Variants in NXPE4 observed in about 807,000 individuals in gnomAD.
The protein encoded by NXPE4 is neurexophilin and PC-esterase domain family member 4.
In NXPE4, 42 loss-of-function variants were observed where a neutral mutation model predicts 33.3. That is an observed-to-expected ratio of 1.26 (90% CI 0.98 to 1.63). The LOEUF (loss-of-function observed/expected upper bound fraction) is 1.63, where lower values mean the gene tolerates loss of function less well. Among genes scored for constraint, NXPE4 ranks in the 40% most tolerant of loss-of-function variants. NXPE4 has a pLI of 0.00. For synonymous variants in NXPE4, 253 were observed against 234.9 expected, an observed-to-expected ratio of 1.08 and a Z score of -0.71; for missense variants, 709 against 647.6, an observed-to-expected ratio of 1.09 and a Z score of -1.03.
Position 114,571,001 on chromosome 11 carries a change from A to G in NXPE4, c.1572T>C (p.Asn524=), listed in dbSNP as rs763146490. The change falls in exon 6 of 6, where the codon AAT becomes AAC. Residue 524 remains asparagine, a synonymous_variant. Coordinates refer to ENST00000375478, the MANE Select transcript of NXPE4 (RefSeq NM_001077639.2). ...WDITIAYGTN[N]VHPPQHVVGN... ...CGACTACATGTTGAGGTGGGTGTAC[A>G]TTATTTGTGCCATATGCAATTGTTA... 3.3e-5 allele frequency: 54 copies of G among 1,613,132 alleles called. No individual in the cohort carries two copies. The highest frequency in any genetic ancestry group is 4.6e-5 in the Non-Finnish European group (54 of 1,179,346).
the NXPE4 span, among the ~76,000 whole-genome samples, chr11:114,633,138 ATTATT>A: frequency 8.1e-6 from 1 of 123,212 alleles, no homozygotes; most frequent in Non-Finnish European, 1.6e-5. Context: ...TATTTCATAT[ATTATT>A]TTATATATTT....
At chr11:114,638,625 T>A in the NXPE4 span, among the ~76,000 whole-genome samples, 1 of 152,064 alleles carries the variant, frequency 6.6e-6, no homozygotes, top group Non-Finnish European at 1.5e-5. Context: ...ATGATGGTGA[T>A]GTACAGATAG....
the NXPE4 span, among the ~76,000 whole-genome samples, chr11:114,655,260 C>T: frequency 0.02 from 3,028 of 152,196 alleles, 40 homozygotes; most frequent in Non-Finnish European, 0.033. Flanking sequence ...AAAATTTTCT[C>T]CCATTCTGTA....
chr11:114,667,157 T>G, the NXPE4 span, among the ~76,000 whole-genome samples: 1 of 152,160 alleles, frequency 6.6e-6, no homozygotes, highest in Non-Finnish European at 1.5e-5. Flanking sequence ...TACGTGAAGA[T>G]CCAGGTCCTG....
chr11:114,627,677 T>A, the NXPE4 span, among the ~76,000 whole-genome samples: 18 of 151,896 alleles, frequency 1.2e-4, no homozygotes, highest in Admixed American at 1.2e-3. Context: ...CAATATTAAC[T>A]TTAAATGTAA....
chr11:114,613,448 C>A, the NXPE4 span, among the ~76,000 whole-genome samples: 4 of 151,708 alleles, frequency 2.6e-5, no homozygotes, highest in African/African-American at 9.7e-5. Context: ...TCTTGTGTAA[C>A]CACTGTTACC....
At chr11:114,632,620 ATT>A in the NXPE4 span, among the ~76,000 whole-genome samples, 1 of 101,408 alleles carries the variant, frequency 9.9e-6, no homozygotes, top group Non-Finnish European at 1.8e-5. Context: ...TTTTATATAT[ATT>A]TATATATAAT....
chr11:114,572,488 A>C (rs1948913204), intron 5 of NXPE4, among the ~76,000 whole-genome samples: 1 of 152,114 alleles, frequency 6.6e-6, no homozygotes, highest in African/African-American at 2.4e-5. Flanking sequence ...TGAAAGGAAA[A>C]TTCTTCAGTG....
the NXPE4 span, among the ~76,000 whole-genome samples, chr11:114,622,648 G>T: frequency 3.3e-5 from 5 of 152,068 alleles, no homozygotes; most frequent in African/African-American, 9.7e-5. Flanking sequence ...TTGCCTCGTG[G>T]GTAACCAGTG....
At chr11:114,652,349 C>T in the NXPE4 span, among the ~76,000 whole-genome samples, 1 of 152,214 alleles carries the variant, frequency 6.6e-6, no homozygotes, top group Non-Finnish European at 1.5e-5. Flanking sequence ...AGAGCCAAAG[C>T]TCCCTGTGCC....
chr11:114,623,264 T>G, the NXPE4 span, among the ~76,000 whole-genome samples: 2 of 152,088 alleles, frequency 1.3e-5, no homozygotes, highest in African/African-American at 4.8e-5. Context: ...GTAATACATA[T>G]TGCCTCGTGG....
chr11:114,673,026 T>A, the NXPE4 span, among the ~76,000 whole-genome samples: 1 of 149,516 alleles, frequency 6.7e-6, no homozygotes, highest in Non-Finnish European at 1.5e-5. Flanking sequence ...CATGGAACAT[T>A]CTCTAGGATA....
the NXPE4 span, among the ~76,000 whole-genome samples, chr11:114,618,346 C>T: frequency 2.3e-3 from 354 of 152,040 alleles, 1 homozygote; most frequent in African/African-American, 8.1e-3. Context: ...CCACTGTTAC[C>T]TGGTCAATAA....
Position 114,582,562 on chromosome 11 carries a change from C to T in NXPE4, c.556G>A (p.Glu186Lys). ...SLSLLLIHPS[E>K]GVSALWSARN... ...GCACTCCAGAGAGCTGACACCCCTT[C>T]ACTGGGGTGGATGAGCAGCAGAGAC... The change falls in exon 3 of 6, where the codon GAA becomes AAA. Residue 186 changes from glutamate (E) to lysine (K), a missense_variant. By Grantham distance (56) the Glu-to-Lys change is moderately conservative. Coordinates refer to ENST00000375478, the MANE Select transcript of NXPE4 (RefSeq NM_001077639.2). The T allele has an allele frequency of 3.7e-6, 6 of 1,614,188 alleles. No homozygotes were observed. Among genetic ancestry groups the T allele is most frequent in the Non-Finnish European group, 5.1e-6 (6 of 1,180,018 alleles).
the NXPE4 span, among the ~76,000 whole-genome samples, chr11:114,659,667 T>C: frequency 6.6e-6 from 1 of 152,092 alleles, no homozygotes; most frequent in Non-Finnish European, 1.5e-5. Context: ...GGGATGCAGG[T>C]AAAGCAGTGT....
chr11:114,636,858 T>C, the NXPE4 span, among the ~76,000 whole-genome samples: 1 of 152,132 alleles, frequency 6.6e-6, no homozygotes, highest in African/African-American at 2.4e-5. Context: ...TCTTTTACAT[T>C]TTCTGAGGAG....
At chr11:114,630,010 G>T in the NXPE4 span, among the ~76,000 whole-genome samples, 192 of 150,514 alleles carry the variant, frequency 1.3e-3, no homozygotes, top group African/African-American at 4.5e-3. Flanking sequence ...CACTGCTCAA[G>T]GAAATAAAAG....
intron 5 of NXPE4, among the ~76,000 whole-genome samples, chr11:114,578,974 A>C (rs1340994859): frequency 6.6e-6 from 1 of 152,166 alleles, no homozygotes. Context: ...TCTTCTATAC[A>C]GACTTGTACT....
the NXPE4 span, among the ~76,000 whole-genome samples, chr11:114,639,011 C>T: frequency 1.3e-5 from 2 of 152,032 alleles, no homozygotes; most frequent in Admixed American, 6.6e-5. Context: ...CAGACTGGGA[C>T]ATTTAAGTTT....
Sources: gnomAD v4.1 joint callset for allele counts (sites outside exome capture counted in the v4.1 genomes callset) on GRCh38, gnomAD v4.1.1 for gene constraint, MANE v1.5 for transcripts, NCBI Gene and HGNC (gene_info 2026-07-23, HGNC 2026-07-21) for gene names.